DGKK: variants seen among roughly 807,000 people sequenced by gnomAD.
DGKK encodes diacylglycerol kinase kappa, also known as 142 kDa diacylglycerol kinase.
DGKK carries 35 observed loss-of-function variants against 92.2 expected under a neutral mutation model. That is an observed-to-expected ratio of 0.38 (90% CI 0.29 to 0.50). DGKK has a LOEUF of 0.50. DGKK is among the 20% of genes least tolerant of loss of function. The pLI is 0.92. For missense variants in DGKK, 910 were observed against 992.2 expected (o/e 0.92, Z 1.11); for synonymous variants, 368 against 360.6 (o/e 1.02, Z -0.23).
Position 50,387,666 on chromosome X carries a change from A to G in DGKK, c.2019-13T>C. Reference sequence around the variant, plus strand: ...TGAACACAAGAATCTGGAAAGATAAAATAGATGGCACAATGTTACATGAAC... The same window carrying G: ...TGAACACAAGAATCTGGAAAGATAAGATAGATGGCACAATGTTACATGAAC... On this transcript the variant is annotated splice_polypyrimidine_tract_variant and intron_variant, in intron 13 of 27. Transcript: ENST00000611977. 8.8e-7 allele frequency: 1 copy of G among 1,131,413 alleles called. No homozygotes were observed. Among genetic ancestry groups the G allele is most frequent in the South Asian group, 1.8e-5 (1 of 54,276 alleles). 93.2% of individuals were successfully genotyped at this position (1,131,413 alleles called of 1,213,427 possible).
chrX:50,447,103 T>G (rs1024193713), intron 1 of DGKK, among the ~76,000 whole-genome samples: 1 of 102,261 alleles, frequency 9.8e-6, no homozygotes, highest in African/African-American at 3.5e-5. Flanking sequence ...GGGGAGGAAA[T>G]AGCTCATAAA....
chrX:50,427,577 TTAATAA>T (rs75113899), intron 1 of DGKK, among the ~76,000 whole-genome samples: 2,431 of 97,959 alleles, frequency 0.025, 76 homozygotes, highest in African/African-American at 0.086. Context: ...ATGCAAGACG[TTAATAA>T]TAATAATAAT....
chrX:50,447,391 T>C (rs1926375149), intron 1 of DGKK, among the ~76,000 whole-genome samples: 3 of 17,733 alleles, frequency 1.7e-4, no homozygotes, highest in African/African-American at 1.5e-3. Flanking sequence ...ATAATATATA[T>C]ATATTATATA....
At chrX:50,388,381 C>G in intron 13 of DGKK, 146 bp downstream of exon 13, 1 of 469,239 alleles carries the variant, frequency 2.1e-6, no homozygotes, top group Non-Finnish European at 3.6e-6. Flanking sequence ...CCTAAACTTT[C>G]CATTCAGGGG....
intron 1 of DGKK, among the ~76,000 whole-genome samples, chrX:50,453,368 G>A (rs1926537251): frequency 9.0e-6 from 1 of 111,429 alleles, no homozygotes; most frequent in Admixed American, 9.6e-5. Flanking sequence ...ATTGGGGTGA[G>A]AATACAAGGA....
intron 3 of DGKK, among the ~76,000 whole-genome samples, 199 bp from the exon 4 acceptor site, chrX:50,420,706 A>G (rs1925563122): frequency 8.9e-6 from 1 of 112,239 alleles, no homozygotes; most frequent in Admixed American, 9.5e-5. Context: ...AATAGCAATA[A>G]TTAACATTTT....
At chrX:50,424,694 A>T (rs782499494) in intron 1 of DGKK, among the ~76,000 whole-genome samples, 1 of 112,016 alleles carries the variant, frequency 8.9e-6, no homozygotes, top group African/African-American at 3.2e-5. Flanking sequence ...GTGGTAGAGG[A>T]AAAGGCTGTA....
At chrX:50,448,985 T>C (rs1193700349) in intron 1 of DGKK, among the ~76,000 whole-genome samples, 1 of 111,566 alleles carries the variant, frequency 9.0e-6, no homozygotes, top group Non-Finnish European at 1.9e-5. Flanking sequence ...TGGGGCCTTT[T>C]ATCCCAGAGC....
Position 50,376,132 on chromosome X carries a change from C to G in DGKK, c.3306G>C (p.Val1102=), listed in dbSNP as rs1557223820. 1 of 1,211,169 alleles carries G rather than the reference C, an allele frequency of 8.3e-7. No individual in the cohort carries two copies. The highest frequency in any genetic ancestry group is 1.7e-5 in the African/African-American group (1 of 57,789). Residue 1102 remains valine, a synonymous_variant, in exon 24 of 28, where the codon GTG becomes GTC. Transcript: ENST00000611977. ...LNDLSKIHQH[V]SVLMGSVNAS... is the part of the protein sequence containing the mutation. ...CATTCACAGAACCCATGAGGACAGA[C>G]ACATGCTGGTGGATCTTGCTCAGGT...
At chrX:50,435,570 T>G (rs1925998328) in intron 1 of DGKK, among the ~76,000 whole-genome samples, 1 of 112,081 alleles carries the variant, frequency 8.9e-6, no homozygotes, top group Non-Finnish European at 1.9e-5. Context: ...TGAAGTGGCA[T>G]TACCAAGAAT....
chrX:50,465,657 G>A (rs1348624570), intron 1 of DGKK, among the ~76,000 whole-genome samples: 1 of 111,131 alleles, frequency 9.0e-6, no homozygotes, highest in Non-Finnish European at 1.9e-5. Context: ...CCCTCTGGGA[G>A]CATCAGAAGT....
Position 50,404,357 on chromosome X carries a change from C to T in DGKK, c.943-173G>A, listed in dbSNP as rs73497571. Among the ~76,000 whole-genome samples, 737 of 108,989 alleles carry T rather than the reference C, an allele frequency of 6.8e-3. 8 individuals are homozygous for T. The highest frequency in any genetic ancestry group is 0.023 in the African/African-American group (672 of 29,832). 94.6% of individuals were successfully genotyped at this position (108,989 alleles called of 115,157 possible). ...CCTGGGACCTGGGATACTTTGTGTG[C>T]GTTTTTGTTTGTTTTGCCAGTCGTT... is the stretch of plus-strand genomic sequence containing the variant. On this transcript the variant is annotated intron_variant, in intron 4 of 27. Coordinates refer to ENST00000611977, the MANE Select transcript of DGKK (RefSeq NM_001013742.4).
intron 1 of DGKK, among the ~76,000 whole-genome samples, chrX:50,431,420 CA>C (rs1925884798): frequency 9.0e-6 from 1 of 111,486 alleles, no homozygotes; most frequent in Non-Finnish European, 1.9e-5. Flanking sequence ...CACCCCCACC[CA>C]CTCAAAAAGT....
At position 50,386,513 on chromosome X, in the gene DGKK, T is replaced by C; in HGVS notation, c.2192A>G (p.Glu731Gly). Reference sequence around the variant, plus strand: ...GTCTGCATATTCTGTAGCACTTTTTTCAGCAGAAGTAGCTGCTGCCTCCTC... The same window carrying C: ...GTCTGCATATTCTGTAGCACTTTTTCCAGCAGAAGTAGCTGCTGCCTCCTC... ...LAEEAAATSA[E>G]KSATEYADSS... Residue 731 changes from glutamate to glycine, a missense_variant, in exon 15 of 28, where the codon GAA becomes GGA. Glu to Gly is a moderately conservative substitution (Grantham distance 98, BLOSUM62 -2). Transcript: ENST00000611977. The C allele has an allele frequency of 8.3e-7, 1 of 1,211,081 alleles. No individual in the cohort carries two copies. The highest frequency in any genetic ancestry group is 1.1e-6 in the Non-Finnish European group (1 of 895,160).
chrX:50,374,635 G>A (rs1394577836), intron 25 of DGKK, among the ~76,000 whole-genome samples: 1 of 111,289 alleles, frequency 9.0e-6, no homozygotes, highest in Non-Finnish European at 1.9e-5. Flanking sequence ...AAACTTGGGA[G>A]GTACAAAGCA....
intron 2 of DGKK, among the ~76,000 whole-genome samples, chrX:50,423,504 A>T (rs1557229382): frequency 4.5e-5 from 5 of 112,048 alleles, no homozygotes. Context: ...CTTGCTCGTT[A>T]CACCCCTGTG....
intron 25 of DGKK, among the ~76,000 whole-genome samples, chrX:50,374,076 T>TG (rs1924208233): frequency 8.9e-6 from 1 of 112,143 alleles, no homozygotes; most frequent in Non-Finnish European, 1.9e-5. Context: ...GCTAGTGTTA[T>TG]GGGTTGAATT....
rs781952576 is a variant in DGKK at position 50,470,336 on chromosome X, G to T, written c.343C>A (p.Pro115Thr). The change falls in exon 1 of 28, where the codon CCA becomes ACA. Residue 115 changes from proline to threonine, a missense_variant. Transcript: ENST00000611977. ...GGGGCAGACTCTGTGGCAGGTTCTG[G>T]GGCCGGTTCTGGGGCCGGCTCTGTG... ...PATEPAPEPA[P>T]EPATESAPEP... 1.1e-5 allele frequency: 13 copies of T among 1,207,403 alleles called. No homozygotes were observed. The highest frequency in any genetic ancestry group is 8.8e-5 in the African/African-American group (5 of 56,627).
intron 12 of DGKK, among the ~76,000 whole-genome samples, chrX:50,389,309 A>C (rs1924627108): frequency 8.9e-6 from 1 of 112,194 alleles, no homozygotes; most frequent in African/African-American, 3.2e-5. Context: ...TCTCAAATGT[A>C]TCCACTGCTA....
Sources: gnomAD v4.1 joint callset for allele counts (sites outside exome capture counted in the v4.1 genomes callset) on GRCh38, gnomAD v4.1.1 for gene constraint, MANE v1.5 for transcripts, NCBI Gene and HGNC (gene_info 2026-07-23, HGNC 2026-07-21) for gene names.